PCDHA5: variants seen among roughly 807,000 people sequenced by gnomAD.
PCDHA5 encodes protocadherin alpha 5, also known as protocadherin alpha-5.
PCDHA5 carries 43 observed loss-of-function variants against 61.6 expected under a neutral mutation model. The ratio of observed to expected loss-of-function variants is 0.70; its 90% confidence interval spans 0.55 to 0.90. The LOEUF (loss-of-function observed/expected upper bound fraction) is 0.90, where lower values mean the gene tolerates loss of function less well. Among genes scored for constraint, PCDHA5 ranks in the 40% least tolerant of loss-of-function variants. The pLI, the probability that PCDHA5 is intolerant of heterozygous loss-of-function variation, is 0.00. For synonymous variants in PCDHA5, 627 were observed against 543.9 expected (o/e 1.15, Z -2.13); for missense variants, 1,298 against 1,222.7 (o/e 1.06, Z -0.92).
intron 1 of PCDHA5, among the ~76,000 whole-genome samples, chr5:140,936,603 C>T (rs552102837): frequency 2.0e-5 from 3 of 152,324 alleles, no homozygotes; most frequent in Admixed American, 6.5e-5. Context: ...CTACTTTCCT[C>T]GCTGCTACTG....
chr5:140,954,830 T>TG (rs2095095109), intron 1 of PCDHA5, among the ~76,000 whole-genome samples: 1 of 152,220 alleles, frequency 6.6e-6, no homozygotes, highest in Admixed American at 6.5e-5. Flanking sequence ...GGCACTTTTG[T>TG]CATGAAATCT....
chr5:140,983,704 A>T (rs1364816662), intron 3 of PCDHA5, among the ~76,000 whole-genome samples: 3 of 152,226 alleles, frequency 2.0e-5, no homozygotes, highest in Non-Finnish European at 4.4e-5. Flanking sequence ...AAATCCAAGT[A>T]TATCTAGCAC....
intron 1 of PCDHA5, among the ~76,000 whole-genome samples, chr5:140,909,000 G>C (rs569548757): frequency 9.8e-5 from 15 of 152,296 alleles, no homozygotes; most frequent in Non-Finnish European, 1.8e-4. Flanking sequence ...AAATTTTACT[G>C]AGGTAGAAGG....
intron 1 of PCDHA5, chr5:140,969,446 C>A (rs782526198): frequency 6.5e-7 from 1 of 1,541,082 alleles, no homozygotes; most frequent in African/African-American, 1.4e-5. Flanking sequence ...ATCTGGTAAA[C>A]TGAGTATATA....
chr5:140,871,326 C>T (rs2052980774), intron 1 of PCDHA5: 1 of 1,613,978 alleles, frequency 6.2e-7, no homozygotes, highest in African/African-American at 1.3e-5. Context: ...TGGTGTGCTC[C>T]CGCGCGGTGG....
intron 1 of PCDHA5, chr5:140,850,766 G>T: frequency 6.3e-7 from 1 of 1,598,074 alleles, no homozygotes; most frequent in Non-Finnish European, 8.6e-7. Context: ...GGAGGCAGAG[G>T]GTGTGCTCTG....
In PCDHA5 at chr5:140,828,940, C is replaced by G. The variant is rs2150161042; in HGVS notation, c.2352+4813C>G. The G allele has an allele frequency of 9.3e-6, 15 of 1,614,160 alleles. No homozygotes were observed. In the South Asian group the frequency reaches 1.4e-4, roughly 15 times the overall value. Reference sequence around the variant, plus strand: ...GGGCAATTTCATATTCTTTTAATAGCCTTGTTGCAGCCATGGTTATTGACC... The same window carrying G: ...GGGCAATTTCATATTCTTTTAATAGGCTTGTTGCAGCCATGGTTATTGACC... On this transcript the variant is annotated intron_variant, in intron 1 of 3. Coordinates refer to ENST00000529859, the MANE Select transcript of PCDHA5 (RefSeq NM_018908.3).
At chr5:140,859,799 T>C (rs2046021191) in intron 1 of PCDHA5, 1 of 152,502 alleles carries the variant, frequency 6.6e-6, no homozygotes. Flanking sequence ...AAATTATAGA[T>C]GCTAAGTTAA....
chr5:140,868,449 C>T (rs1323009325), intron 1 of PCDHA5: 1 of 152,158 alleles, frequency 6.6e-6, no homozygotes, highest in Non-Finnish European at 1.5e-5. Context: ...GGAACATAAA[C>T]ACTAAAGAGC....
Position 140,823,029 on chromosome 5 carries a change from G to T in PCDHA5, c.1254G>T (p.Ser418=). The change falls in exon 1 of 4, where the codon TCG becomes TCT. Residue 418 remains serine (S), a synonymous_variant. Coordinates refer to ENST00000529859, the MANE Select transcript of PCDHA5 (RefSeq NM_018908.3). The part of the protein sequence containing the change: ...LDSALDRESV[S]VYELVVTARD... ...GCGCCCTGGACCGCGAGAGCGTGTCGGTCTATGAGCTGGTGGTGACCGCGC... is the reference window on the plus strand; with the variant it reads ...GCGCCCTGGACCGCGAGAGCGTGTCTGTCTATGAGCTGGTGGTGACCGCGC... 6.2e-7 allele frequency: 1 copy of T among 1,614,222 alleles called. No individual in the cohort carries two copies. The highest frequency in any genetic ancestry group is 1.3e-5 in the African/African-American group (1 of 75,080).
At chr5:140,961,872 G>A (rs2095639337) in intron 1 of PCDHA5, among the ~76,000 whole-genome samples, 1 of 151,532 alleles carries the variant, frequency 6.6e-6, no homozygotes, top group Non-Finnish European at 1.5e-5. Flanking sequence ...ACAGATAATT[G>A]ACTTACTTAC....
chr5:140,850,745 C>T, intron 1 of PCDHA5: 1 of 1,597,954 alleles, frequency 6.3e-7, no homozygotes. Context: ...GTTGGTCGTA[C>T]TCGCAGCAGA....
intron 1 of PCDHA5, chr5:140,862,954 T>C (rs781926222): frequency 1.5e-5 from 8 of 542,620 alleles, no homozygotes; most frequent in Non-Finnish European, 2.2e-5. Flanking sequence ...TGGTGCGGTA[T>C]TCAGTGGATG....
chr5:140,976,511 A>G (rs1216804890), intron 1 of PCDHA5, among the ~76,000 whole-genome samples: 1 of 152,148 alleles, frequency 6.6e-6, no homozygotes, highest in Non-Finnish European at 1.5e-5. Flanking sequence ...AGATCGCGCC[A>G]CTGCACACCA....
In PCDHA5 at chr5:140,840,812, T is replaced by A. The variant is rs147965957; in HGVS notation, c.2352+16685T>A. On this transcript the variant is annotated intron_variant, in intron 1 of 3. Transcript: ENST00000529859. ...CTCACCTCAGAGTAATATATACCAG[T>A]GTTTCTGGTGACCAAATAAATATTA... 9.5e-4 allele frequency among the ~76,000 whole-genome samples: 144 copies of A among 152,170 alleles called. 3 individuals carry two copies. The highest frequency in any genetic ancestry group is 3.3e-3 in the African/African-American group (139 of 41,494).
rs2040583064 is a variant in PCDHA5, at chr5:140,848,750, T to A, written c.2352+24623T>A. ...TAAATCTGCAGAATGGCATTTTGTT[T>A]GTGAATTCTCGGATCGACCGCGAGG... is the stretch of plus-strand genomic sequence containing the variant. On this transcript the variant is annotated intron_variant, in intron 1 of 3. Coordinates refer to ENST00000529859, the MANE Select transcript of PCDHA5 (RefSeq NM_018908.3). 5 of 1,593,288 alleles carry A rather than the reference T, an allele frequency of 3.1e-6. 1 individual carries two copies. The highest frequency in any genetic ancestry group is 4.3e-6 in the Non-Finnish European group (5 of 1,163,954).
chr5:140,874,465 T>C (rs1554167224), intron 1 of PCDHA5, among the ~76,000 whole-genome samples: 1 of 152,184 alleles, frequency 6.6e-6, no homozygotes. Flanking sequence ...TAGGGGAAGA[T>C]TTAGAGAAAA....
intron 1 of PCDHA5, chr5:140,883,601 G>T: frequency 1.2e-6 from 2 of 1,614,022 alleles, no homozygotes; most frequent in Non-Finnish European, 1.7e-6. Flanking sequence ...GTCGGTGGGG[G>T]TGGCCGACGT....
Position 141,010,492 on chromosome 5 carries a change from C to T in PCDHA5, c.*555C>T. 8.0e-6 allele frequency: 5 copies of T among 628,626 alleles called. No homozygotes were observed. 38.9% of individuals were successfully genotyped at this position (628,626 alleles called of 1,614,324 possible). On this transcript the variant is annotated 3_prime_UTR_variant, in exon 4 of 4. Coordinates refer to ENST00000529859, the MANE Select transcript of PCDHA5 (RefSeq NM_018908.3). ...AGGGGAAGTGTAAACTTAAAGGGAC[C>T]AGACTTTCTAAATCTTACAACTCAA... is the stretch of plus-strand genomic sequence containing the variant.
Sources: gnomAD v4.1 joint callset for allele counts (sites outside exome capture counted in the v4.1 genomes callset) on GRCh38, gnomAD v4.1.1 for gene constraint, MANE v1.5 for transcripts, NCBI Gene and HGNC (gene_info 2026-07-23, HGNC 2026-07-21) for gene names.